The following EPN2 variants were observed in gnomAD, a reference collection of about 807,000 sequenced individuals.
EPN2 encodes the protein epsin-2.
In EPN2, 34 loss-of-function variants were observed where a neutral mutation model predicts 61.7. The observed-to-expected ratio is 0.55, with a 90% CI of 0.42 to 0.73. The LOEUF (loss-of-function observed/expected upper bound fraction) is 0.73. EPN2 is among the 30% of genes least tolerant of loss of function. The pLI is 0.00. For missense variants in EPN2, 714 were observed against 839.2 expected (o/e 0.85, Z 1.84); for synonymous variants, 349 against 353.6 (o/e 0.99, Z 0.15).
In EPN2 at chr17:19,237,384, C is replaced by G. The variant is rs910103622; in HGVS notation, c.-441C>G. ...CGCGCGCACGCGTCCGGCGCGCCCC[C>G]TCCCGGCCGCCATGTTGGCTGGTGT... is the stretch of plus-strand genomic sequence containing the variant. On this transcript the variant is annotated 5_prime_UTR_variant, in exon 1 of 11. Coordinates refer to ENST00000314728, the MANE Select transcript of EPN2 (RefSeq NM_014964.5). 1 of 152,068 alleles carries G rather than the reference C, an allele frequency of 6.6e-6. No homozygotes were observed. Among genetic ancestry groups the G allele is most frequent in the Non-Finnish European group, 1.5e-5 (1 of 68,094 alleles). The allele number at this position is 152,068 out of a possible 1,614,324, so 9.4% of individuals were successfully genotyped here. A position where few individuals can be genotyped will look rare whatever the true frequency, so the allele number is the denominator to read the frequency against.
At chr17:19,240,778 T>C (rs2044876168) in intron 1 of EPN2, among the ~76,000 whole-genome samples, 1 of 152,220 alleles carries the variant, frequency 6.6e-6, no homozygotes, top group South Asian at 2.1e-4. Context: ...CTGGGGCTCT[T>C]GTGACACTGT....
At chr17:19,329,697 C>T (rs1286894010) in intron 9 of EPN2, 50 bp downstream of exon 9, 5 of 1,086,964 alleles carry the variant, frequency 4.6e-6, no homozygotes, top group Middle Eastern at 4.0e-4. Flanking sequence ...ATTTGACCAG[C>T]TGAGTTATTG....
chr17:19,319,733 C>T (rs1202120203), intron 7 of EPN2, among the ~76,000 whole-genome samples: 5 of 151,810 alleles, frequency 3.3e-5, no homozygotes, highest in East Asian at 3.9e-4. Flanking sequence ...CTGCAACCTC[C>T]GCCTCCCAGG....
intron 1 of EPN2, among the ~76,000 whole-genome samples, chr17:19,257,011 C>G (rs1490091140): frequency 1.3e-5 from 2 of 152,146 alleles, no homozygotes; most frequent in African/African-American, 2.4e-5. Context: ...CACAGACTTT[C>G]TTGATTTAAA....
At chr17:19,239,692 C>T (rs2044862241) in intron 1 of EPN2, among the ~76,000 whole-genome samples, 2 of 152,238 alleles carry the variant, frequency 1.3e-5, no homozygotes, top group Admixed American at 1.3e-4. Context: ...GTGGGATGTA[C>T]CAAGTTTCCC....
At chr17:19,269,757 T>G (rs1260075539) in intron 1 of EPN2, among the ~76,000 whole-genome samples, 2 of 152,334 alleles carry the variant, frequency 1.3e-5, no homozygotes, top group African/African-American at 4.8e-5. Flanking sequence ...CTACACGTGG[T>G]TGACTTCCAA....
intron 7 of EPN2, among the ~76,000 whole-genome samples, chr17:19,327,284 C>T (rs1906924253): frequency 6.6e-6 from 1 of 152,146 alleles, no homozygotes; most frequent in African/African-American, 2.4e-5. Flanking sequence ...ATTCCAGCTC[C>T]ACCTCAACAC....
At chr17:19,293,232 T>C (rs1226212552) in intron 4 of EPN2, among the ~76,000 whole-genome samples, 2 of 151,906 alleles carry the variant, frequency 1.3e-5, no homozygotes, top group Admixed American at 1.3e-4. Flanking sequence ...ACAAAAAAAT[T>C]AGCCGGTCAT....
intron 1 of EPN2, among the ~76,000 whole-genome samples, chr17:19,257,104 T>G (rs1255103269): frequency 3.9e-5 from 6 of 152,230 alleles, no homozygotes; most frequent in Non-Finnish European, 5.9e-5. Flanking sequence ...GATTTTAACA[T>G]TTGAAGAAAA....
chr17:19,252,062 G>C (rs978851753), intron 1 of EPN2, among the ~76,000 whole-genome samples: 1 of 152,114 alleles, frequency 6.6e-6, no homozygotes, highest in African/African-American at 2.4e-5. Context: ...TCCACTTGTG[G>C]TATCATGTTG....
In EPN2 at chr17:19,295,480, C is replaced by T. The variant is rs573158786; in HGVS notation, c.766+9690C>T. On this transcript the variant is annotated intron_variant, in intron 4 of 10. Coordinates refer to ENST00000314728, the MANE Select transcript of EPN2 (RefSeq NM_014964.5). Reference sequence around the variant, plus strand: ...CCAGGAAGTGGAGGTTGCAGTGAGCCGAGATCGTGCCATTAGACTCCAGCC... The same window carrying T: ...CCAGGAAGTGGAGGTTGCAGTGAGCTGAGATCGTGCCATTAGACTCCAGCC... 5.9e-5 allele frequency among the ~76,000 whole-genome samples: 9 copies of T among 151,744 alleles called. No homozygotes were observed. In the South Asian group the frequency reaches 1.2e-3, roughly 21 times the overall value.
At chr17:19,280,889 C>T (rs2045352787) in intron 1 of EPN2, among the ~76,000 whole-genome samples, 1 of 152,216 alleles carries the variant, frequency 6.6e-6, no homozygotes, top group African/African-American at 2.4e-5. Flanking sequence ...TCTGGAACTT[C>T]TGACCAACCA....
chr17:19,299,052 G>A (rs1905339681), intron 4 of EPN2, among the ~76,000 whole-genome samples: 1 of 152,146 alleles, frequency 6.6e-6, no homozygotes, highest in Non-Finnish European at 1.5e-5. Context: ...CATGACAAAT[G>A]TTTTCCAAAC....
At chr17:19,325,953 T>C (rs4924983) in intron 7 of EPN2, among the ~76,000 whole-genome samples, 147,376 of 152,336 alleles carry the variant, frequency 0.97, 71,555 homozygotes, top group African/African-American at 0.99. Context: ...ACAAAAGTTT[T>C]TCTGCATAAC....
chr17:19,239,610 A>C (rs1355814932), intron 1 of EPN2, among the ~76,000 whole-genome samples: 1 of 152,200 alleles, frequency 6.6e-6, no homozygotes, highest in African/African-American at 2.4e-5. Flanking sequence ...GGTAAAGTGT[A>C]AGTTACTGTA....
intron 1 of EPN2, among the ~76,000 whole-genome samples, chr17:19,245,718 A>G (rs2044940125): frequency 2.7e-5 from 4 of 150,246 alleles, no homozygotes; most frequent in Admixed American, 2.7e-4. Context: ...GCTGGAGTGC[A>G]ATGGCGCGAT....
At chr17:19,279,477 C>T (rs1440774093) in intron 1 of EPN2, among the ~76,000 whole-genome samples, 1 of 151,094 alleles carries the variant, frequency 6.6e-6, no homozygotes, top group Non-Finnish European at 1.5e-5. Context: ...CTCACTGTGT[C>T]ACCCAGGCTG....
At chr17:19,314,210 G>A (rs1567865371) in intron 7 of EPN2, among the ~76,000 whole-genome samples, 1 of 152,218 alleles carries the variant, frequency 6.6e-6, no homozygotes, top group Non-Finnish European at 1.5e-5. Context: ...CTGCTCAGGA[G>A]CGGGCAGGGC....
intron 1 of EPN2, among the ~76,000 whole-genome samples, chr17:19,245,140 C>G (rs1252559669): frequency 6.6e-6 from 1 of 152,162 alleles, no homozygotes; most frequent in Non-Finnish European, 1.5e-5. Context: ...AACAGCTTAC[C>G]TCTCTGTCAG....
Sources: gnomAD v4.1 joint callset for allele counts (sites outside exome capture counted in the v4.1 genomes callset) on GRCh38, gnomAD v4.1.1 for gene constraint, MANE v1.5 for transcripts, NCBI Gene and HGNC (gene_info 2026-07-23, HGNC 2026-07-21) for gene names.